The following FSTL5 variants were observed in gnomAD, a reference collection of about 807,000 sequenced individuals.
FSTL5 encodes follistatin-related protein 5.
Under a neutral mutation model 89.1 loss-of-function variants are expected in FSTL5, and 62 were observed. That is an observed-to-expected ratio of 0.70 (90% CI 0.57 to 0.86). The LOEUF (loss-of-function observed/expected upper bound fraction) is 0.86. FSTL5 is among the 40% of genes least tolerant of loss of function. The pLI is 0.00. For missense variants in FSTL5, 1,057 were observed against 1,001.6 expected, an observed-to-expected ratio of 1.06 and a Z score of -0.75; for synonymous variants, 383 against 346.2, an observed-to-expected ratio of 1.11 and a Z score of -1.18.
At chr4:161,617,602 G>T (rs1030447236) in intron 7 of FSTL5, among the ~76,000 whole-genome samples, 1 of 151,972 alleles carries the variant, frequency 6.6e-6, no homozygotes, top group East Asian at 1.9e-4. Context: ...AGGATGAAGA[G>T]AAAATATTTA....
intron 15 of FSTL5, among the ~76,000 whole-genome samples, chr4:161,391,235 G>A (rs887903441): frequency 1.3e-5 from 2 of 152,044 alleles, no homozygotes; most frequent in Non-Finnish European, 2.9e-5. Context: ...TTGTATTATG[G>A]GAATTTTACT....
At chr4:161,944,690 A>AT (rs1214385895) in intron 3 of FSTL5, among the ~76,000 whole-genome samples, 1 of 151,838 alleles carries the variant, frequency 6.6e-6, no homozygotes, top group East Asian at 1.9e-4. Flanking sequence ...TGTATCATAC[A>AT]TACATTTAAA....
intron 1 of FSTL5, among the ~76,000 whole-genome samples, chr4:162,115,029 G>C (rs1731583901): frequency 6.6e-6 from 1 of 152,048 alleles, no homozygotes; most frequent in Non-Finnish European, 1.5e-5. Flanking sequence ...AATATTAAAA[G>C]TCAGATCGTC....
intron 7 of FSTL5, among the ~76,000 whole-genome samples, chr4:161,611,231 C>CAT (rs70937667): frequency 0.036 from 4,665 of 128,100 alleles, 94 homozygotes; most frequent in South Asian, 0.049. Flanking sequence ...TATGTGTATA[C>CAT]ATATATATAT....
At chr4:161,508,719 T>A (rs1730561634) in intron 11 of FSTL5, among the ~76,000 whole-genome samples, 1 of 152,168 alleles carries the variant, frequency 6.6e-6, no homozygotes, top group Non-Finnish European at 1.5e-5. Context: ...TTCACGGTGG[T>A]TACCAAAGTT....
intron 2 of FSTL5, among the ~76,000 whole-genome samples, chr4:162,058,423 CTTTTTTTTTTT>C (rs764578152): frequency 1.8e-5 from 2 of 112,108 alleles, no homozygotes; most frequent in Admixed American, 2.1e-4. Flanking sequence ...ATAAATTCCT[CTTTTTTTTTTT>C]TTTTTTTTTT....
At chr4:161,694,039 A>T (rs1738048554) in intron 6 of FSTL5, among the ~76,000 whole-genome samples, 2 of 152,022 alleles carry the variant, frequency 1.3e-5, no homozygotes, top group African/African-American at 4.8e-5. Flanking sequence ...ATCTAGATAA[A>T]AGTTTATCAA....
At chr4:161,524,158 T>C (rs1731126887) in intron 10 of FSTL5, among the ~76,000 whole-genome samples, 2 of 152,166 alleles carry the variant, frequency 1.3e-5, no homozygotes, top group African/African-American at 2.4e-5. Flanking sequence ...TAGTAAAACT[T>C]TGGTCTCTAC....
chr4:161,557,576 G>A (rs1032473857), intron 8 of FSTL5, among the ~76,000 whole-genome samples: 2 of 151,610 alleles, frequency 1.3e-5, no homozygotes, highest in African/African-American at 4.8e-5. Context: ...TTTTAATGTA[G>A]TGATTCTTCT....
At chr4:161,792,391 G>A (rs7662897) in intron 4 of FSTL5, among the ~76,000 whole-genome samples, 6 of 152,106 alleles carry the variant, frequency 3.9e-5, no homozygotes, top group East Asian at 1.9e-4. Flanking sequence ...GGTTGATGAC[G>A]GCAAAAGGCA....
At chr4:161,799,258 C>T (rs944677687) in intron 4 of FSTL5, among the ~76,000 whole-genome samples, 2 of 151,528 alleles carry the variant, frequency 1.3e-5, no homozygotes, top group African/African-American at 2.4e-5. Flanking sequence ...CCCTCCCCGC[C>T]GCCAAGTGTT....
intron 1 of FSTL5, among the ~76,000 whole-genome samples, chr4:162,134,220 C>T (rs1226605912): frequency 1.3e-5 from 2 of 152,148 alleles, no homozygotes; most frequent in Admixed American, 1.3e-4. Context: ...AAGAATCATC[C>T]TGGATATTTT....
intron 4 of FSTL5, among the ~76,000 whole-genome samples, chr4:161,821,347 T>G (rs1218877910): frequency 6.6e-6 from 1 of 152,068 alleles, no homozygotes; most frequent in Non-Finnish European, 1.5e-5. Flanking sequence ...CAGAAACAGG[T>G]TTTCTTGAAG....
chr4:161,859,744 T>C (rs1461228749), intron 4 of FSTL5, among the ~76,000 whole-genome samples: 1 of 152,100 alleles, frequency 6.6e-6, no homozygotes, highest in Non-Finnish European at 1.5e-5. Context: ...TAGCAACCCA[T>C]GTGAGGTAGC....
intron 2 of FSTL5, among the ~76,000 whole-genome samples, chr4:162,046,365 T>C (rs1738177876): frequency 6.6e-6 from 1 of 152,108 alleles, no homozygotes; most frequent in African/African-American, 2.4e-5. Flanking sequence ...AGCGAAACTG[T>C]TACTTGAGCT....
intron 6 of FSTL5, among the ~76,000 whole-genome samples, chr4:161,732,064 G>A (rs538576584): frequency 7.6e-6 from 1 of 131,736 alleles, no homozygotes; most frequent in East Asian, 2.4e-4. Flanking sequence ...CTGTGTCATG[G>A]GGCAGTTCTA....
intron 15 of FSTL5, among the ~76,000 whole-genome samples, chr4:161,410,269 T>A (rs1731541914): frequency 6.6e-6 from 1 of 152,180 alleles, no homozygotes; most frequent in African/African-American, 2.4e-5. Flanking sequence ...GCCAACCACA[T>A]GATAAGAGTG....
At chr4:161,864,849 C>T (rs1018644864) in intron 4 of FSTL5, among the ~76,000 whole-genome samples, 16 of 118,426 alleles carry the variant, frequency 1.4e-4, no homozygotes, top group East Asian at 7.4e-4. Flanking sequence ...TCCGGGCTGA[C>T]GACAGAGCAA....
At chr4:161,830,983 A>C (rs181365332) in intron 4 of FSTL5, among the ~76,000 whole-genome samples, 5 of 152,066 alleles carry the variant, frequency 3.3e-5, no homozygotes, top group Admixed American at 3.3e-4. Flanking sequence ...TGATACTTAG[A>C]ATACTTGAAA....
Sources: allele counts gnomAD v4.1 joint callset (sites outside exome capture counted in the v4.1 genomes callset), GRCh38; gene constraint gnomAD v4.1.1; transcripts MANE v1.5; gene names NCBI Gene and HGNC (gene_info 2026-07-23, HGNC 2026-07-21).